UBR2: variants seen among roughly 807,000 people sequenced by gnomAD.
UBR2 encodes the protein ubiquitin protein ligase E3 component n-recognin 2.
In UBR2, 92 loss-of-function variants were observed where a neutral mutation model predicts 247.9. That is an observed-to-expected ratio of 0.37 (90% CI 0.31 to 0.44). UBR2 has a LOEUF of 0.44. UBR2 is among the 20% of genes least tolerant of loss of function. The pLI is 1.00. For synonymous variants in UBR2, 672 were observed against 693.5 expected (o/e 0.97, Z 0.49); for missense variants, 1,613 against 2,112.6 (o/e 0.76, Z 4.64).
chr6:42,671,239 C>T (rs1798414281), intron 36 of UBR2, among the ~76,000 whole-genome samples: 1 of 150,354 alleles, frequency 6.7e-6, no homozygotes, highest in Non-Finnish European at 1.5e-5. Context: ...GACCTCATCT[C>T]TACACAAATT....
intron 2 of UBR2, among the ~76,000 whole-genome samples, chr6:42,576,980 G>T (rs1370746822): frequency 6.6e-6 from 1 of 152,140 alleles, no homozygotes; most frequent in East Asian, 1.9e-4. Context: ...TCAAAGACCA[G>T]CCAGGTTCTT....
chr6:42,627,807 C>T (rs1795449900), intron 11 of UBR2, among the ~76,000 whole-genome samples: 6 of 152,134 alleles, frequency 3.9e-5, no homozygotes, highest in Admixed American at 3.9e-4. Flanking sequence ...CCACCACACC[C>T]AGCCTTTGTT....
chr6:42,614,375 T>TATATATGTATGGACGTACATACATCC (rs70990112), intron 8 of UBR2, among the ~76,000 whole-genome samples: 1 of 69,752 alleles, frequency 1.4e-5, no homozygotes. Context: ...TGTGTATGTG[T>TATATATGTATGGACGTACATACATCC]GTATATATGT....
intron 2 of UBR2, among the ~76,000 whole-genome samples, chr6:42,577,478 A>T (rs921142527): frequency 6.6e-6 from 1 of 151,294 alleles, no homozygotes; most frequent in Non-Finnish European, 1.5e-5. Context: ...TGTGTACTCT[A>T]TTAGGAAAAG....
chr6:42,587,604 C>T (rs762652783), intron 2 of UBR2, among the ~76,000 whole-genome samples: 13 of 151,904 alleles, frequency 8.6e-5, no homozygotes, highest in South Asian at 2.1e-4. Flanking sequence ...GTGATCCTCC[C>T]GCCTCAGCCT....
chr6:42,684,750 A>G (rs1799275895), intron 43 of UBR2, 44 bp from the exon 44 acceptor site: 3 of 1,491,396 alleles, frequency 2.0e-6, no homozygotes, highest in Non-Finnish European at 2.8e-6. Flanking sequence ...GTATAATATG[A>G]CCTAAATTAA....
At chr6:42,572,919 G>A (rs1381335202) in intron 1 of UBR2, among the ~76,000 whole-genome samples, 2 of 152,074 alleles carry the variant, frequency 1.3e-5, no homozygotes, top group South Asian at 2.1e-4. Context: ...TGGCCAGGCT[G>A]GTCTTGAACT....
chr6:42,631,375 TTG>T (rs1337460814), intron 11 of UBR2, among the ~76,000 whole-genome samples: 1 of 152,150 alleles, frequency 6.6e-6, no homozygotes, highest in African/African-American at 2.4e-5. Flanking sequence ...TGAAGTTATA[TTG>T]TGTTATGGAG....
At chr6:42,628,320 G>A (rs1171140020) in intron 11 of UBR2, among the ~76,000 whole-genome samples, 3 of 151,606 alleles carry the variant, frequency 2.0e-5, no homozygotes, top group Admixed American at 1.3e-4. Flanking sequence ...GCACATCCCT[G>A]GTTAAAAATA....
chr6:42,581,575 C>G (rs1207207857), intron 2 of UBR2, among the ~76,000 whole-genome samples: 1 of 152,156 alleles, frequency 6.6e-6, no homozygotes, highest in East Asian at 1.9e-4. Context: ...GATGCTCTCC[C>G]CTAAGCCTAC....
At chr6:42,649,801 G>A (rs1030960223) in intron 22 of UBR2, among the ~76,000 whole-genome samples, 3 of 21,478 alleles carry the variant, frequency 1.4e-4, no homozygotes, top group African/African-American at 6.0e-4. Context: ...CTTTCTTCCA[G>A]TCTCCCTTGT....
At chr6:42,672,180 A>G (rs1241180552) in intron 36 of UBR2, among the ~76,000 whole-genome samples, 1 of 152,032 alleles carries the variant, frequency 6.6e-6, no homozygotes, top group African/African-American at 2.4e-5. Flanking sequence ...TTACAGGTGC[A>G]TGCCACCGTG....
chr6:42,567,849 A>C (rs1790874946), intron 1 of UBR2, among the ~76,000 whole-genome samples: 1 of 152,032 alleles, frequency 6.6e-6, no homozygotes, highest in Non-Finnish European at 1.5e-5. Flanking sequence ...CAGCCTGGGC[A>C]ACATTAGCTA....
intron 11 of UBR2, among the ~76,000 whole-genome samples, chr6:42,624,797 C>G (rs1006687237): frequency 6.6e-6 from 1 of 152,168 alleles, no homozygotes; most frequent in Non-Finnish European, 1.5e-5. Context: ...AAAAAGGCCA[C>G]TCTTAGGTTC....
intron 2 of UBR2, among the ~76,000 whole-genome samples, chr6:42,586,534 C>G (rs926460269): frequency 1.3e-4 from 13 of 99,208 alleles, no homozygotes; most frequent in African/African-American, 5.4e-4. Flanking sequence ...TTCAGTTTGT[C>G]TCTCTTTTTT....
At position 42,635,640 on chromosome 6, in the gene UBR2, T is replaced by C. The variant is rs1796044266; in HGVS notation, c.1674+94T>C. ...AAATTTCAAGGAGATCTGGAGAAAA[T>C]AGTGGTGATACTTAGTTCATTAAAC... On this transcript the variant is annotated intron_variant, in intron 14 of 46. Coordinates refer to ENST00000372901, the MANE Select transcript of UBR2 (RefSeq NM_001363705.2). The C allele has an allele frequency of 2.9e-5, 42 of 1,430,684 alleles. No homozygotes were observed. The South Asian group carries it at 5.0e-4, about 17-fold the overall frequency. 88.6% of individuals were successfully genotyped at this position (1,430,684 alleles called of 1,614,324 possible).
At position 42,612,152 on chromosome 6, in the gene UBR2, C is replaced by T; in HGVS notation, c.865-19C>T. The T allele has an allele frequency of 3.4e-6, 5 of 1,486,448 alleles. No homozygotes were observed. Among genetic ancestry groups the T allele is most frequent in the Non-Finnish European group, 2.7e-6 (3 of 1,098,936 alleles). 92.1% of individuals were successfully genotyped at this position (1,486,448 alleles called of 1,614,324 possible). Reference sequence around the variant, plus strand: ...TAGCTTTTTAAGTTAATTTTTAAATCTTGCCATTTCTTTTTAAGAGAAATA... The same window carrying T: ...TAGCTTTTTAAGTTAATTTTTAAATTTTGCCATTTCTTTTTAAGAGAAATA... On this transcript the variant is annotated intron_variant, in intron 7 of 46. Coordinates refer to ENST00000372901, the MANE Select transcript of UBR2 (RefSeq NM_001363705.2).
rs1794617885 is a variant in UBR2 at position 42,617,286 on chromosome 6, G to A, written c.1183-123G>A. ...GATTTTATGGAGGATGATCACGAGC[G>A]AGCAGTGTCGGTGACTGCTCTATCT... is the stretch of plus-strand genomic sequence containing the variant. On this transcript the variant is annotated intron_variant, in intron 10 of 46. Coordinates refer to ENST00000372901, the MANE Select transcript of UBR2 (RefSeq NM_001363705.2). 6.2e-6 allele frequency: 10 copies of A among 1,614,100 alleles called. No homozygotes were observed. Among genetic ancestry groups the A allele is most frequent in the Non-Finnish European group, 8.5e-6 (10 of 1,180,004 alleles).
chr6:42,599,402 C>G (rs906146883), intron 4 of UBR2, among the ~76,000 whole-genome samples: 4 of 151,704 alleles, frequency 2.6e-5, no homozygotes, highest in African/African-American at 9.7e-5. Flanking sequence ...TGAGAGAGAC[C>G]CTCTTAAAGA....
Sources: allele counts gnomAD v4.1 joint callset (sites outside exome capture counted in the v4.1 genomes callset), GRCh38; gene constraint gnomAD v4.1.1; transcripts MANE v1.5; gene names NCBI Gene and HGNC (gene_info 2026-07-23, HGNC 2026-07-21).